CDH4: variants seen among roughly 807,000 people sequenced by gnomAD.
The protein encoded by CDH4 is cadherin-4.
In CDH4, 33 loss-of-function variants were observed where a neutral mutation model predicts 86.0. The observed-to-expected ratio is 0.38, with a 90% CI of 0.29 to 0.51. The LOEUF is 0.51. Among genes scored for constraint, CDH4 ranks in the 20% least tolerant of loss-of-function variants. The pLI, the probability that CDH4 is intolerant of heterozygous loss-of-function variation, is 0.86. For missense variants in CDH4, 1,114 were observed against 1,307.4 expected (o/e 0.85, Z 2.28); for synonymous variants, 555 against 549.4 (o/e 1.01, Z -0.14).
intron 2 of CDH4, among the ~76,000 whole-genome samples, chr20:61,714,237 G>A (rs1001391341): frequency 2.0e-5 from 3 of 151,650 alleles, no homozygotes; most frequent in Non-Finnish European, 2.9e-5. Context: ...TAGTAGAGAC[G>A]GGGTTTCACT....
At chr20:61,398,894 G>T (rs1321955142) in intron 2 of CDH4, among the ~76,000 whole-genome samples, 1 of 152,200 alleles carries the variant, frequency 6.6e-6, no homozygotes, top group African/African-American at 2.4e-5. Context: ...TCAGACCCCG[G>T]CCACAGCCCA....
At chr20:61,685,712 G>T (rs575916367) in intron 2 of CDH4, among the ~76,000 whole-genome samples, 2 of 152,206 alleles carry the variant, frequency 1.3e-5, no homozygotes, top group Non-Finnish European at 2.9e-5. Context: ...CCCGCTGTCC[G>T]GACTCAGAGC....
At chr20:61,847,844 A>G (rs1053610137) in intron 5 of CDH4, among the ~76,000 whole-genome samples, 5 of 152,072 alleles carry the variant, frequency 3.3e-5, no homozygotes, top group Non-Finnish European at 7.4e-5. Context: ...CCTGGAGTGC[A>G]CTCAGAGCAA....
chr20:61,651,177 C>T (rs1470213919), intron 2 of CDH4, among the ~76,000 whole-genome samples: 1 of 151,890 alleles, frequency 6.6e-6, no homozygotes, highest in Non-Finnish European at 1.5e-5. Flanking sequence ...TGGTCACGCA[C>T]TGGTGTGCTT....
intron 2 of CDH4, among the ~76,000 whole-genome samples, chr20:61,620,231 C>T (rs1363560817): frequency 1.4e-4 from 2 of 14,246 alleles, no homozygotes; most frequent in Admixed American, 7.2e-4. Context: ...GGTAGGCAGA[C>T]AGACAGACAT....
chr20:61,568,889 G>A (rs1034774306), intron 2 of CDH4, among the ~76,000 whole-genome samples: 14 of 152,198 alleles, frequency 9.2e-5, no homozygotes, highest in African/African-American at 3.1e-4. Context: ...CTCCCCCAAT[G>A]AGAGTGGAAG....
intron 2 of CDH4, among the ~76,000 whole-genome samples, chr20:61,413,824 A>G (rs749154847): frequency 6.6e-6 from 1 of 152,160 alleles, no homozygotes; most frequent in Non-Finnish European, 1.5e-5. Context: ...CAAGGGCAGC[A>G]CTTAGTAGGG....
At chr20:61,887,361 C>G (rs1038929641) in intron 7 of CDH4, among the ~76,000 whole-genome samples, 9 of 152,142 alleles carry the variant, frequency 5.9e-5, no homozygotes, top group African/African-American at 2.2e-4. Context: ...AAATCAAGAC[C>G]CAGCTGCCCT....
intron 4 of CDH4, among the ~76,000 whole-genome samples, chr20:61,816,429 C>A (rs1013512711): frequency 6.6e-6 from 1 of 152,136 alleles, no homozygotes; most frequent in Non-Finnish European, 1.5e-5. Context: ...AACTTATTTT[C>A]TTTTATCCTA....
rs370508416 is a variant in CDH4, at chr20:61,374,274, G to A, written c.169+119337G>A. The stretch of plus-strand genomic sequence containing the variant: ...GATGCGTGAAGCTGGACCAGGGGCC[G>A]TCCCCATGCACAGGACTCAGGGAAG... On this transcript the variant is annotated intron_variant, in intron 2 of 15. Coordinates refer to ENST00000614565, the MANE Select transcript of CDH4 (RefSeq NM_001794.5). Among the ~76,000 whole-genome samples, 17 of 152,290 alleles carry A rather than the reference G, an allele frequency of 1.1e-4. 1 individual carries two copies. The South Asian group carries it at 1.7e-3, about 15-fold the overall frequency.
At chr20:61,923,852 G>A in intron 10 of CDH4, 148 bp downstream of exon 10, 6 of 970,296 alleles carry the variant, frequency 6.2e-6, no homozygotes, top group East Asian at 2.6e-5. Context: ...CCTTCCAGGA[G>A]GGAGCCGCAG....
chr20:61,509,556 C>T (rs1036293567), intron 2 of CDH4, among the ~76,000 whole-genome samples: 2 of 150,606 alleles, frequency 1.3e-5, no homozygotes, highest in African/African-American at 2.5e-5. Context: ...TTCCCAGCCA[C>T]CTAGCAGCAT....
chr20:61,502,411 T>C (rs184493166), intron 2 of CDH4, among the ~76,000 whole-genome samples: 71 of 152,334 alleles, frequency 4.7e-4, no homozygotes, highest in African/African-American at 1.7e-3. Flanking sequence ...GACTGGCCTC[T>C]GATGAGGCAA....
chr20:61,530,836 TG>T (rs1276375278), intron 2 of CDH4, among the ~76,000 whole-genome samples: 2 of 152,098 alleles, frequency 1.3e-5, no homozygotes, highest in South Asian at 4.2e-4. Context: ...TCCAGCCTCT[TG>T]CAGCCTTCTT....
intron 2 of CDH4, among the ~76,000 whole-genome samples, chr20:61,433,971 C>A (rs2246590): frequency 0.47 from 72,071 of 152,068 alleles, 18,805 homozygotes; most frequent in African/African-American, 0.7. Context: ...CATTTCCTGC[C>A]GTGGCCTCCT....
chr20:61,754,805 CACACACACG>C lies in CDH4; in HGVS notation c.396+11018_396+11026del, dbSNP rs1600950124. Reference sequence around the variant, plus strand: ...CACACACACTGCACGCCACACACACCACACACACGATGCATGCCACACACCACACACATG... The same window carrying C: ...CACACACACTGCACGCCACACACACCATGCATGCCACACACCACACACATG... On this transcript the variant is annotated intron_variant, in intron 3 of 15. Coordinates refer to ENST00000614565, the MANE Select transcript of CDH4 (RefSeq NM_001794.5). This position sits in a 1 kb window ranked among gnomAD's most constrained non-coding sequence, Gnocchi z 4.7. Among the ~76,000 whole-genome samples the C allele has an allele frequency of 2.0e-5, 3 of 149,494 alleles. No individual in the cohort carries two copies. The Admixed American group carries it at 2.0e-4, about 10-fold the overall frequency.
At chr20:61,671,789 C>T (rs923749910) in intron 2 of CDH4, among the ~76,000 whole-genome samples, 2 of 142,790 alleles carry the variant, frequency 1.4e-5, no homozygotes, top group African/African-American at 2.6e-5. Flanking sequence ...ATCAATGGAT[C>T]GATGGATAGA....
intron 2 of CDH4, among the ~76,000 whole-genome samples, chr20:61,545,882 A>C (rs1160316803): frequency 7.7e-6 from 1 of 129,942 alleles, no homozygotes; most frequent in Non-Finnish European, 1.6e-5. Context: ...TATGTGGGAT[A>C]CGGTATGTGT....
At chr20:61,880,539 C>T (rs1984230656) in intron 7 of CDH4, among the ~76,000 whole-genome samples, 1 of 152,186 alleles carries the variant, frequency 6.6e-6, no homozygotes, top group Non-Finnish European at 1.5e-5. Flanking sequence ...GCCAAGGAGC[C>T]GTCATCTTGG....
Sources: allele counts gnomAD v4.1 joint callset (sites outside exome capture counted in the v4.1 genomes callset), GRCh38; gene constraint gnomAD v4.1.1; non-coding constraint Gnocchi (gnomAD v3.1); transcripts MANE v1.5; gene names NCBI Gene and HGNC (gene_info 2026-07-23, HGNC 2026-07-21).